MYO3B: variants seen among roughly 807,000 people sequenced by gnomAD.
MYO3B encodes myosin-IIIb.
Under a neutral mutation model 174.6 loss-of-function variants are expected in MYO3B, and 156 were observed. The observed-to-expected ratio is 0.89, with a 90% confidence interval of 0.78 to 1.02. The LOEUF (loss-of-function observed/expected upper bound fraction) is 1.02, where lower values mean the gene tolerates loss of function less well. Ranked by LOEUF, MYO3B falls within the 50% of genes least tolerant of loss-of-function variation. The pLI is 0.00. For missense variants in MYO3B, 1,632 were observed against 1,639.4 expected (o/e 1.00, Z 0.08); for synonymous variants, 563 against 569.1 (o/e 0.99, Z 0.15).
At chr2:170,471,990 T>TAAAAAAAAAAA (rs533804427) in intron 25 of MYO3B, among the ~76,000 whole-genome samples, 1 of 128,042 alleles carries the variant, frequency 7.8e-6, no homozygotes, top group Non-Finnish European at 1.7e-5. Context: ...AAACTCTGTC[T>TAAAAAAAAAAA]AAAAAAAAAA....
chr2:170,537,586 A>G (rs1482303297), intron 30 of MYO3B, among the ~76,000 whole-genome samples: 1 of 148,842 alleles, frequency 6.7e-6, no homozygotes, highest in African/African-American at 2.5e-5. Flanking sequence ...AGCTGGGACT[A>G]CAAGGGCATG....
chr2:170,293,710 T>C (rs1010353151), intron 7 of MYO3B, among the ~76,000 whole-genome samples: 5 of 152,276 alleles, frequency 3.3e-5, no homozygotes, highest in Admixed American at 3.3e-4. Context: ...GCAGTAGGGA[T>C]TCACCTCACC....
At chr2:170,199,419 G>T in intron 2 of MYO3B, 28 bp downstream of exon 2, 2 of 1,536,166 alleles carry the variant, frequency 1.3e-6, no homozygotes, top group South Asian at 1.3e-5. Flanking sequence ...ATTATAACCA[G>T]AATTTGGTGT....
chr2:170,543,773 T>A, intron 31 of MYO3B, 119 bp from the exon 32 acceptor site: 1 of 645,812 alleles, frequency 1.5e-6, no homozygotes. Context: ...GATTCCAGTA[T>A]ACTTAGCCTC....
chr2:170,343,520 G>A (rs1268334738), intron 8 of MYO3B: 1 of 152,216 alleles, frequency 6.6e-6, no homozygotes, highest in African/African-American at 2.4e-5. Flanking sequence ...CCTTCTCCAA[G>A]TTGAGCATCT....
chr2:170,435,812 C>A (rs1053052605), intron 22 of MYO3B, among the ~76,000 whole-genome samples: 5 of 152,256 alleles, frequency 3.3e-5, no homozygotes, highest in South Asian at 2.1e-4. Context: ...ACCACTGGAA[C>A]CCAGCTACAA....
chr2:170,304,056 GTTGCTGTTATAAACAAAGAT>G, intron 7 of MYO3B, among the ~76,000 whole-genome samples: 2 of 151,694 alleles, frequency 1.3e-5, no homozygotes, highest in Admixed American at 1.3e-4. Flanking sequence ...TCCCTTTTTC[GTTGCTGTTATAAACAAAGAT>G]TTGGTGCATA....
chr2:170,494,149 T>A (rs1448606058), intron 25 of MYO3B, among the ~76,000 whole-genome samples: 2 of 152,274 alleles, frequency 1.3e-5, no homozygotes, highest in Non-Finnish European at 2.9e-5. Flanking sequence ...CCTTCCAGTT[T>A]ATGATTCCAT....
chr2:170,211,505 G>C (rs557390574), intron 3 of MYO3B, among the ~76,000 whole-genome samples: 148 of 152,176 alleles, frequency 9.7e-4, no homozygotes, highest in Non-Finnish European at 1.2e-3. Context: ...CACTGTGAGC[G>C]TATGCGGTAT....
intron 7 of MYO3B, among the ~76,000 whole-genome samples, chr2:170,271,719 G>A (rs1362649873): frequency 6.6e-6 from 1 of 152,082 alleles, no homozygotes; most frequent in East Asian, 1.9e-4. Context: ...GTCTTATTAA[G>A]GAATTCTGAA....
intron 28 of MYO3B, among the ~76,000 whole-genome samples, chr2:170,507,454 C>T (rs1041545094): frequency 3.3e-5 from 5 of 151,984 alleles, no homozygotes; most frequent in African/African-American, 1.2e-4. Flanking sequence ...GGCTGGGGTG[C>T]AATGGTGCGT....
rs375831295 is a variant in MYO3B, at chr2:170,594,992, G to A, written c.3733+51004G>A. 1.1e-4 allele frequency among the ~76,000 whole-genome samples: 16 copies of A among 152,174 alleles called. No individual in the cohort carries two copies. In the East Asian group the frequency reaches 1.5e-3, roughly 15 times the overall value. ...GTGAAGAGGATCTAAGGACAGTGTC[G>A]TGCCCCAGGCTTCTGAGAAAGAACC... On this transcript the variant is annotated intron_variant, in intron 32 of 34. Coordinates refer to ENST00000408978, the MANE Select transcript of MYO3B (RefSeq NM_138995.5).
chr2:170,249,320 A>T (rs2093226308), intron 7 of MYO3B, among the ~76,000 whole-genome samples: 1 of 152,202 alleles, frequency 6.6e-6, no homozygotes, highest in South Asian at 2.1e-4. Context: ...TCTTTTAATT[A>T]GTCCAAGGAG....
chr2:170,335,756 T>C (rs2093943467), intron 8 of MYO3B, among the ~76,000 whole-genome samples: 1 of 152,138 alleles, frequency 6.6e-6, no homozygotes, highest in Non-Finnish European at 1.5e-5. Context: ...ATGAAACATC[T>C]AAAAATCTGA....
intron 12 of MYO3B, among the ~76,000 whole-genome samples, chr2:170,385,549 C>T (rs2094367623): frequency 6.6e-6 from 1 of 152,080 alleles, no homozygotes; most frequent in Non-Finnish European, 1.5e-5. Context: ...ACCTAAAGAG[C>T]TCCTAGAAAT....
At chr2:170,460,907 C>T (rs931435202) in intron 23 of MYO3B, among the ~76,000 whole-genome samples, 9 of 152,014 alleles carry the variant, frequency 5.9e-5, no homozygotes, top group African/African-American at 1.9e-4. Flanking sequence ...TAAGAGTATT[C>T]CTTTTAAATT....
chr2:170,569,504 TAA>T (rs1334442802), intron 32 of MYO3B, among the ~76,000 whole-genome samples: 2 of 149,874 alleles, frequency 1.3e-5, no homozygotes, highest in African/African-American at 2.5e-5. Context: ...ACAGAATCTA[TAA>T]AACTGGGCTG....
chr2:170,597,374 A>T (rs1694221085), intron 32 of MYO3B, among the ~76,000 whole-genome samples: 1 of 145,468 alleles, frequency 6.9e-6, no homozygotes. Context: ...TCTCAAAAGA[A>T]AAAAAAAAAA....
chr2:170,602,642 C>T (rs1694585615), intron 32 of MYO3B, among the ~76,000 whole-genome samples: 1 of 152,172 alleles, frequency 6.6e-6, no homozygotes, highest in Admixed American at 6.5e-5. Context: ...TTATAATGTC[C>T]TTTTTGATTC....
Sources: allele counts gnomAD v4.1 joint callset (sites outside exome capture counted in the v4.1 genomes callset), GRCh38; gene constraint gnomAD v4.1.1; transcripts MANE v1.5; gene names NCBI Gene and HGNC (gene_info 2026-07-23, HGNC 2026-07-21).